Variants in DR1 observed in about 807,000 individuals in gnomAD.
DR1 encodes down-regulator of transcription 1, also known as protein Dr1.
Under a neutral mutation model 19.9 loss-of-function variants are expected in DR1, and 7 were observed. The ratio of observed to expected loss-of-function variants is 0.35; its 90% CI spans 0.20 to 0.66. The LOEUF (loss-of-function observed/expected upper bound fraction) is 0.66, where lower values mean the gene tolerates loss of function less well. DR1 is among the 30% of genes least tolerant of loss of function. The pLI is 0.66. For missense variants in DR1, 98 were observed against 203.7 expected, an observed-to-expected ratio of 0.48 and a Z score of 3.16; for synonymous variants, 76 against 72.5, an observed-to-expected ratio of 1.05 and a Z score of -0.24.
In DR1 at chr1:93,368,665, G is replaced by T. The variant is rs1457225880; in HGVS notation, c.*8026G>T. ...AAACTTCTAGAATCCATGTAGTAGG[G>T]TGTAGTAGTGTGGTTAAGCTATGAA... On this transcript the variant is annotated 3_prime_UTR_variant, in exon 3 of 3. Transcript: ENST00000370272. The T allele has an allele frequency of 6.6e-6, 1 of 152,158 alleles. No individual in the cohort carries two copies. The highest frequency in any genetic ancestry group is 1.5e-5 in the Non-Finnish European group (1 of 68,006). The allele number at this position is 152,158 out of a possible 1,614,324, so 9.4% of individuals were successfully genotyped here.
At chr1:93,348,544 T>C (rs540393260) in intron 1 of DR1, among the ~76,000 whole-genome samples, 1 of 152,220 alleles carries the variant, frequency 6.6e-6, no homozygotes, top group Non-Finnish European at 1.5e-5. Context: ...TTGATTCTTT[T>C]CTAGGATATA....
intron 1 of DR1, among the ~76,000 whole-genome samples, chr1:93,351,364 A>G (rs1666910249): frequency 6.6e-6 from 1 of 151,214 alleles, no homozygotes. Flanking sequence ...TTTTAAAGGT[A>G]GTTATATATT....
intron 1 of DR1, 22 bp downstream of exon 1, chr1:93,346,887 G>T: frequency 6.3e-7 from 1 of 1,584,526 alleles, no homozygotes; most frequent in South Asian, 1.1e-5. Flanking sequence ...GTGAGAGCTG[G>T]TTTGAATGAG....
intron 1 of DR1, among the ~76,000 whole-genome samples, chr1:93,352,041 A>G (rs999597010): frequency 6.6e-6 from 1 of 152,164 alleles, no homozygotes. Flanking sequence ...CTACAACCCT[A>G]AAACTAATAA....
At chr1:93,349,975 T>G (rs1037814752) in intron 1 of DR1, among the ~76,000 whole-genome samples, 1 of 152,188 alleles carries the variant, frequency 6.6e-6, no homozygotes, top group African/African-American at 2.4e-5. Context: ...CTCTAAAGCC[T>G]AAACCAGTCT....
At chr1:93,349,738 T>G (rs1476503019) in intron 1 of DR1, among the ~76,000 whole-genome samples, 1 of 152,144 alleles carries the variant, frequency 6.6e-6, no homozygotes, top group African/African-American at 2.4e-5. Context: ...AAAATTCCTG[T>G]CCTTCTCACA....
rs1009898280 is a variant in DR1 at position 93,362,499 on chromosome 1, A to G, written c.*1860A>G. 1.4e-5 allele frequency: 2 copies of G among 145,088 alleles called. No homozygotes were observed. Among genetic ancestry groups the G allele is most frequent in the Non-Finnish European group, 3.0e-5 (2 of 66,534 alleles). 9.0% of individuals were successfully genotyped at this position (145,088 alleles called of 1,614,324 possible). A position where few individuals can be genotyped will look rare whatever the true frequency, so the allele number is the denominator to read the frequency against. ...ATTTTACTGCATCTGATAATGTATT[A>G]TACGTTTGAAGCCTAGTGACTTTTC... On this transcript the variant is annotated 3_prime_UTR_variant, in exon 3 of 3. Transcript: ENST00000370272.
rs1177146096 is a variant in DR1 at position 93,362,777 on chromosome 1, C to G, written c.*2138C>G. The G allele has an allele frequency of 7.0e-6, 1 of 143,694 alleles. No homozygotes were observed. The highest frequency in any genetic ancestry group is 2.6e-5 in the African/African-American group (1 of 38,726). The allele number at this position is 143,694 out of a possible 1,614,324, so 8.9% of individuals were successfully genotyped here. On this transcript the variant is annotated 3_prime_UTR_variant, in exon 3 of 3. Transcript: ENST00000370272. ...TTTTTATAATTTACAGTCCTAAGAT[C>G]GAGGCATAACAAAGCTTACTTATGC...
At chr1:93,355,341 G>A (rs1434996907) in intron 2 of DR1, 1 of 152,154 alleles carries the variant, frequency 6.6e-6, no homozygotes, top group African/African-American at 2.4e-5. Context: ...ATCATGCTAG[G>A]TGCTAGGCTT....
rs1667038819 is a variant in DR1, at chr1:93,360,481, T to G, written c.385-12T>G. The G allele has an allele frequency of 3.2e-6, 5 of 1,550,852 alleles. No individual in the cohort carries two copies. In the East Asian group the frequency reaches 1.2e-4, roughly 36 times the overall value. ...AAAAATTGTTATTTTTTTTTATGTT[T>G]TGGGTGTTTAGGCTAGACAGCAACA... On this transcript the variant is annotated splice_polypyrimidine_tract_variant and intron_variant, in intron 2 of 2. Transcript: ENST00000370272.
chr1:93,346,972 CTT>C, intron 1 of DR1, 107 bp downstream of exon 1: 1 of 1,048,910 alleles, frequency 9.5e-7, no homozygotes, highest in Non-Finnish European at 1.4e-6. Flanking sequence ...TGGTAAGTAA[CTT>C]AATGAAAAAG....
At chr1:93,354,871 T>C (rs1666959030) in intron 2 of DR1, 1 of 152,196 alleles carries the variant, frequency 6.6e-6, no homozygotes, top group Non-Finnish European at 1.5e-5. Flanking sequence ...CCAAGTACCA[T>C]TTAAACAAGA....
chr1:93,348,070 T>G (rs1477352166), intron 1 of DR1, among the ~76,000 whole-genome samples: 1 of 152,138 alleles, frequency 6.6e-6, no homozygotes, highest in Non-Finnish European at 1.5e-5. Context: ...CTCTCAGTAT[T>G]GACAAAAGGA....
chr1:93,358,747 T>C (rs894018548), intron 2 of DR1, among the ~76,000 whole-genome samples: 5 of 152,244 alleles, frequency 3.3e-5, no homozygotes, highest in South Asian at 4.1e-4. Context: ...CATGTTCTCT[T>C]CCTGCCTTTT....
chr1:93,350,443 A>G (rs1666901652), intron 1 of DR1, among the ~76,000 whole-genome samples: 1 of 152,202 alleles, frequency 6.6e-6, no homozygotes, highest in Admixed American at 6.5e-5. Context: ...AAATGGAGAA[A>G]TTAGAGAATG....
chr1:93,358,725 T>C (rs1225892909), intron 2 of DR1, among the ~76,000 whole-genome samples: 1 of 152,226 alleles, frequency 6.6e-6, no homozygotes, highest in Non-Finnish European at 1.5e-5. Context: ...GCTGCTACTT[T>C]CATGACATCT....
At chr1:93,355,682 T>A (rs1390548638) in intron 2 of DR1, 2 of 152,256 alleles carry the variant, frequency 1.3e-5, no homozygotes, top group African/African-American at 4.8e-5. Context: ...TCTGTTTTTT[T>A]ATTCCTCTTT....
At chr1:93,356,717 C>G (rs1666990349) in intron 2 of DR1, among the ~76,000 whole-genome samples, 1 of 133,748 alleles carries the variant, frequency 7.5e-6, no homozygotes, top group African/African-American at 2.7e-5. Flanking sequence ...CTTATGAACT[C>G]TTACAATTTT....
chr1:93,362,096 A>G lies in DR1; in HGVS notation c.*1457A>G, dbSNP rs1667061326. The G allele has an allele frequency of 6.6e-6, 1 of 152,506 alleles. No individual in the cohort carries two copies. The highest frequency in any genetic ancestry group is 2.1e-4 in the South Asian group (1 of 4,828). The allele number at this position is 152,506 out of a possible 1,614,324, so 9.4% of individuals were successfully genotyped here. ...ATTTTAATTGGAGAGCTAAGTAAGT[A>G]AAGTTTTATAACTGTTAGGTTTCTT... On this transcript the variant is annotated 3_prime_UTR_variant, in exon 3 of 3. Coordinates refer to ENST00000370272, the MANE Select transcript of DR1 (RefSeq NM_001938.3).
Sources: allele counts gnomAD v4.1 joint callset (sites outside exome capture counted in the v4.1 genomes callset), GRCh38; gene constraint gnomAD v4.1.1; transcripts MANE v1.5; gene names NCBI Gene and HGNC (gene_info 2026-07-23, HGNC 2026-07-21).